MSRA: variants seen among roughly 807,000 people sequenced by gnomAD.
MSRA encodes the protein methionine sulfoxide reductase A.
In MSRA, 54 loss-of-function variants were observed where a neutral mutation model predicts 31.3. The ratio of observed to expected loss-of-function variants is 1.73; its 90% confidence interval spans 1.39 to 2.17. The LOEUF (loss-of-function observed/expected upper bound fraction) is 2.17, where lower values mean the gene tolerates loss of function less well. MSRA is among the 30% of genes most tolerant of loss of function. The probability of loss-of-function intolerance (pLI) is 0.00; values close to 1 mark genes in which losing one functional copy is unlikely to be tolerated. For missense variants in MSRA, 507 were observed against 300.9 expected, an observed-to-expected ratio of 1.69 and a Z score of -5.07; for synonymous variants, 169 against 116.5, an observed-to-expected ratio of 1.45 and a Z score of -2.90.
At chr8:10,322,505 G>A (rs1357798021) in intron 5 of MSRA, among the ~76,000 whole-genome samples, 1 of 152,180 alleles carries the variant, frequency 6.6e-6, no homozygotes, top group African/African-American at 2.4e-5. Context: ...CAAGTGTACA[G>A]AGAAGCAGAG....
intron 2 of MSRA, among the ~76,000 whole-genome samples, chr8:10,229,873 T>C (rs1297242308): frequency 2.0e-5 from 3 of 152,164 alleles, no homozygotes; most frequent in Non-Finnish European, 2.9e-5. Context: ...CTCTTTTTCT[T>C]TCTGTGTTTG....
chr8:10,103,570 T>A (rs1460003101), intron 1 of MSRA, among the ~76,000 whole-genome samples: 2 of 152,170 alleles, frequency 1.3e-5, no homozygotes, highest in Non-Finnish European at 2.9e-5. Context: ...TGAAAGCAAT[T>A]TAGCTGATAG....
At chr8:10,236,382 C>T (rs1357447288) in intron 2 of MSRA, among the ~76,000 whole-genome samples, 3 of 152,114 alleles carry the variant, frequency 2.0e-5, no homozygotes, top group South Asian at 2.1e-4. Flanking sequence ...ACCATTAGAA[C>T]TAATAGAATT....
chr8:10,151,312 A>C (rs1030749821), intron 1 of MSRA, among the ~76,000 whole-genome samples: 3 of 149,634 alleles, frequency 2.0e-5, no homozygotes, highest in African/African-American at 7.4e-5. Flanking sequence ...TAGGAAGCTT[A>C]GTCAGTGGAA....
intron 1 of MSRA, among the ~76,000 whole-genome samples, chr8:10,201,831 T>A (rs1218811928): frequency 6.6e-6 from 1 of 152,246 alleles, no homozygotes; most frequent in Non-Finnish European, 1.5e-5. Context: ...CTGTTTCTTG[T>A]CCTCATATCT....
chr8:10,164,186 A>C (rs1345439336), intron 1 of MSRA, among the ~76,000 whole-genome samples: 1 of 152,374 alleles, frequency 6.6e-6, no homozygotes, highest in African/African-American at 2.4e-5. Context: ...AGGTGTTAGC[A>C]GGTATCATTC....
chr8:10,107,786 C>T (rs1799993128), intron 1 of MSRA, among the ~76,000 whole-genome samples: 2 of 152,048 alleles, frequency 1.3e-5, no homozygotes, highest in East Asian at 1.9e-4. Context: ...CTTGTCCGGG[C>T]CAGGGGATGA....
At chr8:10,345,188 T>A (rs923511025) in intron 5 of MSRA, among the ~76,000 whole-genome samples, 2 of 152,240 alleles carry the variant, frequency 1.3e-5, no homozygotes, top group Non-Finnish European at 2.9e-5. Context: ...ACAAGTCATA[T>A]GTTCAAGCCC....
At chr8:10,309,346 G>A (rs1178317666) in intron 4 of MSRA, among the ~76,000 whole-genome samples, 2 of 152,238 alleles carry the variant, frequency 1.3e-5, no homozygotes, top group African/African-American at 4.8e-5. Flanking sequence ...GTGGCGCCTG[G>A]TGCGGAATAA....
chr8:10,110,381 T>G (rs921158137), intron 1 of MSRA, among the ~76,000 whole-genome samples: 2 of 152,200 alleles, frequency 1.3e-5, no homozygotes, highest in African/African-American at 4.8e-5. Context: ...TCCCATTTTG[T>G]TACCCACTAA....
intron 1 of MSRA, among the ~76,000 whole-genome samples, chr8:10,080,895 G>C (rs754420213): frequency 7.2e-5 from 11 of 152,140 alleles, no homozygotes; most frequent in Non-Finnish European, 1.0e-4. Flanking sequence ...CTAAAGACTA[G>C]TGTTTCTTAA....
At chr8:10,218,716 A>G (rs1231171772) in intron 2 of MSRA, among the ~76,000 whole-genome samples, 2 of 152,196 alleles carry the variant, frequency 1.3e-5, no homozygotes, top group Non-Finnish European at 2.9e-5. Flanking sequence ...CCCAAGTGTC[A>G]GTGTATATAT....
chr8:10,207,280 C>A (rs7844551), intron 1 of MSRA, among the ~76,000 whole-genome samples: 51,940 of 152,064 alleles, frequency 0.34, 10,978 homozygotes, highest in African/African-American at 0.6. Flanking sequence ...TGGAATATCT[C>A]TCTGGCTCTT....
chr8:10,322,025 C>T (rs978173653), intron 5 of MSRA, among the ~76,000 whole-genome samples: 7 of 152,130 alleles, frequency 4.6e-5, no homozygotes, highest in Non-Finnish European at 1.0e-4. Context: ...TTCTCTTATC[C>T]CTTTTTCGTA....
chr8:10,379,501 C>T (rs947720999), intron 5 of MSRA, among the ~76,000 whole-genome samples: 7 of 152,172 alleles, frequency 4.6e-5, no homozygotes, highest in Non-Finnish European at 8.8e-5. Flanking sequence ...CCAGGCCCTC[C>T]GTCTGGTCAT....
intron 2 of MSRA, among the ~76,000 whole-genome samples, chr8:10,242,521 C>G (rs2129080616): frequency 6.6e-6 from 1 of 152,128 alleles, no homozygotes; most frequent in South Asian, 2.1e-4. Flanking sequence ...GGGTGTTTGC[C>G]TAATAACAGT....
intron 2 of MSRA, among the ~76,000 whole-genome samples, chr8:10,210,197 C>T (rs765798000): frequency 2.0e-5 from 3 of 152,134 alleles, no homozygotes; most frequent in Non-Finnish European, 2.9e-5. Context: ...CAGCCTCTTG[C>T]AAAGCTGATG....
chr8:10,219,256 G>T (rs576529455), intron 2 of MSRA, among the ~76,000 whole-genome samples: 1 of 152,134 alleles, frequency 6.6e-6, no homozygotes, highest in East Asian at 1.9e-4. Flanking sequence ...GCTTAATATC[G>T]TGAATGAGTT....
intron 2 of MSRA, among the ~76,000 whole-genome samples, chr8:10,233,700 G>A (rs563400381): frequency 6.6e-6 from 1 of 152,320 alleles, no homozygotes; most frequent in South Asian, 2.1e-4. Flanking sequence ...GATAAGTTGA[G>A]ATGTGTCAAC....
Sources: allele counts gnomAD v4.1 joint callset (sites outside exome capture counted in the v4.1 genomes callset), GRCh38; gene constraint gnomAD v4.1.1; transcripts MANE v1.5; gene names NCBI Gene and HGNC (gene_info 2026-07-23, HGNC 2026-07-21).